Variants in NCKAP5 observed in about 807,000 individuals in gnomAD.
NCKAP5 encodes the protein nck-associated protein 5.
In NCKAP5, 92 loss-of-function variants were observed where a neutral mutation model predicts 167.0. That is an observed-to-expected ratio of 0.55 (90% CI 0.47 to 0.66). The LOEUF (loss-of-function observed/expected upper bound fraction) is 0.66. NCKAP5 is among the 30% of genes least tolerant of loss of function. The pLI is 0.00. For synonymous variants in NCKAP5, 891 were observed against 877.4 expected, an observed-to-expected ratio of 1.02 and a Z score of -0.27; for missense variants, 2,378 against 2,315.0, an observed-to-expected ratio of 1.03 and a Z score of -0.56.
the NCKAP5 span, among the ~76,000 whole-genome samples, chr2:133,605,194 C>T: frequency 6.6e-6 from 1 of 152,228 alleles, no homozygotes. Context: ...AAGCCTGATT[C>T]TCTCAGCCAC....
chr2:133,494,803 C>A (rs1681792207), intron 3 of NCKAP5, among the ~76,000 whole-genome samples: 1 of 152,108 alleles, frequency 6.6e-6, no homozygotes, highest in African/African-American at 2.4e-5. Context: ...TATTTTACCC[C>A]AAAATATATT....
intron 6 of NCKAP5, among the ~76,000 whole-genome samples, chr2:133,049,226 T>C (rs1046811780): frequency 3.9e-5 from 6 of 152,094 alleles, no homozygotes; most frequent in Admixed American, 3.9e-4. Flanking sequence ...TGTTCTCAAG[T>C]CCAGCAAACA....
chr2:132,984,693 T>C (rs2077239468), intron 7 of NCKAP5, among the ~76,000 whole-genome samples: 1 of 152,062 alleles, frequency 6.6e-6, no homozygotes, highest in South Asian at 2.1e-4. Flanking sequence ...TCTTAACTAT[T>C]TCCTCATTCC....
intron 8 of NCKAP5, among the ~76,000 whole-genome samples, chr2:132,936,051 A>T (rs1696827413): frequency 6.7e-6 from 1 of 148,398 alleles, no homozygotes; most frequent in Admixed American, 6.8e-5. Context: ...GTGCGATCTC[A>T]GCTCACTGTA....
chr2:132,744,953 T>C (rs1401211766), intron 16 of NCKAP5, among the ~76,000 whole-genome samples: 2 of 151,822 alleles, frequency 1.3e-5, no homozygotes, highest in African/African-American at 4.8e-5. Context: ...ATTTAGGCAA[T>C]TGAATTTGGA....
intron 4 of NCKAP5, among the ~76,000 whole-genome samples, chr2:133,227,482 T>C (rs2086947959): frequency 6.6e-6 from 1 of 152,166 alleles, no homozygotes; most frequent in African/African-American, 2.4e-5. Context: ...TGGCCACTTG[T>C]GGGTGTAAGG....
intron 3 of NCKAP5, among the ~76,000 whole-genome samples, chr2:133,330,579 G>A (rs1216371417): frequency 6.6e-6 from 1 of 151,940 alleles, no homozygotes; most frequent in Non-Finnish European, 1.5e-5. Flanking sequence ...TGCATCATAT[G>A]GTATTAGTAG....
the NCKAP5 span, among the ~76,000 whole-genome samples, chr2:133,599,190 T>C: frequency 3.9e-5 from 6 of 152,208 alleles, no homozygotes; most frequent in African/African-American, 1.4e-4. Context: ...TTCAACATGT[T>C]TTGTAGGGGA....
intron 5 of NCKAP5, among the ~76,000 whole-genome samples, chr2:133,188,453 C>A (rs1202823753): frequency 6.6e-6 from 1 of 152,062 alleles, no homozygotes; most frequent in Non-Finnish European, 1.5e-5. Context: ...ACCTACAGAA[C>A]TCTCCACCCC....
intron 4 of NCKAP5, among the ~76,000 whole-genome samples, chr2:133,219,600 T>A (rs1574417042): frequency 1.3e-5 from 2 of 152,270 alleles, no homozygotes; most frequent in East Asian, 3.9e-4. Flanking sequence ...CTTTTAAAAG[T>A]GGGTTTCCAA....
chr2:132,852,278 T>C (rs1452187175), intron 11 of NCKAP5, among the ~76,000 whole-genome samples: 1 of 152,222 alleles, frequency 6.6e-6, no homozygotes, highest in Non-Finnish European at 1.5e-5. Flanking sequence ...CCTGAATGTT[T>C]CATGCTACAG....
chr2:133,440,020 A>C (rs1032824346), intron 3 of NCKAP5, among the ~76,000 whole-genome samples: 2 of 152,174 alleles, frequency 1.3e-5, no homozygotes, highest in African/African-American at 4.8e-5. Flanking sequence ...ATTTACCACA[A>C]TAGACCTCAC....
intron 4 of NCKAP5, among the ~76,000 whole-genome samples, chr2:133,234,615 G>A (rs1020070789): frequency 1.3e-5 from 2 of 152,152 alleles, no homozygotes; most frequent in Admixed American, 6.5e-5. Flanking sequence ...AAAACTGTTC[G>A]CAGATTTTCT....
chr2:133,570,607 T>C (rs1205815855), upstream of NCKAP5, among the ~76,000 whole-genome samples: 2 of 152,230 alleles, frequency 1.3e-5, no homozygotes, highest in East Asian at 3.8e-4. Flanking sequence ...TCAGAAATGA[T>C]TAAAGTTCAG....
Position 132,704,126 on chromosome 2 carries a change from C to T in NCKAP5, c.5713+21501G>A, listed in dbSNP as rs565208198. 8.5e-5 allele frequency among the ~76,000 whole-genome samples: 13 copies of T among 152,328 alleles called. No individual in the cohort carries two copies. In the East Asian group the frequency reaches 2.3e-3, roughly 27 times the overall value. ...ACCTCTTTTCTGAAGGTGTCTTTCACCTTGTAGTTCTAACTGAAATTTGAT... is the reference window on the plus strand; with the variant it reads ...ACCTCTTTTCTGAAGGTGTCTTTCATCTTGTAGTTCTAACTGAAATTTGAT... On this transcript the variant is annotated intron_variant, in intron 19 of 19. Transcript: ENST00000409261.
intron 3 of NCKAP5, among the ~76,000 whole-genome samples, chr2:133,419,294 T>G (rs1319548973): frequency 6.6e-6 from 1 of 152,160 alleles, no homozygotes; most frequent in Non-Finnish European, 1.5e-5. Flanking sequence ...AGGGAGACAA[T>G]ATTGGAATTT....
chr2:132,914,562 A>G (rs1383721163), intron 8 of NCKAP5, among the ~76,000 whole-genome samples: 6 of 151,958 alleles, frequency 3.9e-5, no homozygotes, highest in South Asian at 2.1e-4. Context: ...TACAACTGCA[A>G]TATAGACTCT....
the NCKAP5 span, among the ~76,000 whole-genome samples, chr2:133,597,236 TGTGACC>T: frequency 2.6e-5 from 4 of 152,160 alleles, no homozygotes; most frequent in Non-Finnish European, 5.9e-5. Flanking sequence ...ACTGCACCAG[TGTGACC>T]TGGACATCTG....
At chr2:133,563,837 G>C (rs144573203) in intron 1 of NCKAP5, among the ~76,000 whole-genome samples, 1 of 152,198 alleles carries the variant, frequency 6.6e-6, no homozygotes, top group East Asian at 1.9e-4. Context: ...GAAAGGTTAA[G>C]AGTATGCACT....
Sources: allele counts gnomAD v4.1 joint callset (sites outside exome capture counted in the v4.1 genomes callset), GRCh38; gene constraint gnomAD v4.1.1; transcripts MANE v1.5; gene names NCBI Gene and HGNC (gene_info 2026-07-23, HGNC 2026-07-21).